The following MRE11 variants were observed in gnomAD, a reference collection of about 807,000 sequenced individuals.
MRE11 encodes double-strand break repair protein MRE11.
In MRE11, 62 loss-of-function variants were observed where a neutral mutation model predicts 91.7. That is an observed-to-expected ratio of 0.68 (90% confidence interval 0.55 to 0.84). The LOEUF (loss-of-function observed/expected upper bound fraction) is 0.84. Ranked by LOEUF, MRE11 falls within the 40% of genes least tolerant of loss-of-function variation. The probability of loss-of-function intolerance (pLI) is 0.00; values close to 1 mark genes in which losing one functional copy is unlikely to be tolerated. For missense variants in MRE11, 796 were observed against 852.9 expected, an observed-to-expected ratio of 0.93 and a Z score of 0.83; for synonymous variants, 273 against 271.4, an observed-to-expected ratio of 1.01 and a Z score of -0.06.
chr11:94,436,795 T>C (rs951042730), intron 17 of MRE11, among the ~76,000 whole-genome samples: 1 of 152,218 alleles, frequency 6.6e-6, no homozygotes, highest in African/African-American at 2.4e-5. Flanking sequence ...TAGCAACAGC[T>C]GTTAAGGCAC....
At chr11:94,476,446 C>A (rs201816804) in intron 6 of MRE11, 43 bp from the exon 7 acceptor site, 4 of 1,345,660 alleles carry the variant, frequency 3.0e-6, no homozygotes, top group Non-Finnish European at 4.2e-6. Flanking sequence ...TTTCTTACTT[C>A]GGCTTAAAAA....
rs1178226547 is a variant in MRE11 at position 94,456,431 on chromosome 11, A to G, written c.1501-93T>C. On this transcript the variant is annotated intron_variant, in intron 13 of 19. Coordinates refer to ENST00000323929, the MANE Select transcript of MRE11 (RefSeq NM_005591.4). ...CTACAATTAAGAAATGCTTTATGTT[A>G]TAAAACTTGCAAATTTAACAATGTC... 3 of 982,120 alleles carry G rather than the reference A, an allele frequency of 3.1e-6. No homozygotes were observed. In the East Asian group the frequency reaches 7.7e-5, roughly 25 times the overall value. The allele number at this position is 982,120 out of a possible 1,614,324, so 60.8% of individuals were successfully genotyped here.
chr11:94,465,946 C>T (rs985107313), intron 10 of MRE11, among the ~76,000 whole-genome samples: 1 of 152,056 alleles, frequency 6.6e-6, no homozygotes, highest in African/African-American at 2.4e-5. Flanking sequence ...TGGAAGCAGA[C>T]TGTGAGTGGT....
At chr11:94,493,394 G>T (rs1160252967) in intron 1 of MRE11, among the ~76,000 whole-genome samples, 1 of 152,102 alleles carries the variant, frequency 6.6e-6, no homozygotes, top group Non-Finnish European at 1.5e-5. Context: ...ACAAACACGT[G>T]GTCTGCGGAG....
At chr11:94,506,420 A>G in the MRE11 span, among the ~76,000 whole-genome samples, 1 of 152,156 alleles carries the variant, frequency 6.6e-6, no homozygotes, top group Non-Finnish European at 1.5e-5. Context: ...ATGCATTGGT[A>G]TATAATTGAA....
At chr11:94,504,718 CT>C in the MRE11 span, among the ~76,000 whole-genome samples, 230 of 152,286 alleles carry the variant, frequency 1.5e-3, no homozygotes, top group Middle Eastern at 0.01. Flanking sequence ...GAGATGATTT[CT>C]TGAGACCTGT....
At chr11:94,427,613 C>T (rs1051462025) in intron 19 of MRE11, among the ~76,000 whole-genome samples, 12 of 151,814 alleles carry the variant, frequency 7.9e-5, no homozygotes, top group Admixed American at 3.3e-4. Flanking sequence ...TCTTTGCTGA[C>T]GATATGATTC....
chr11:94,439,203 T>C (rs1945708114), intron 16 of MRE11, among the ~76,000 whole-genome samples: 1 of 152,164 alleles, frequency 6.6e-6, no homozygotes, highest in South Asian at 2.1e-4. Flanking sequence ...ATCTAGAAGT[T>C]ACAGTCTTAA....
At chr11:94,495,821 C>T (rs1947411380), upstream of MRE11, among the ~76,000 whole-genome samples, 1 of 152,038 alleles carries the variant, frequency 6.6e-6, no homozygotes, top group African/African-American at 2.4e-5. Context: ...CTTTGCCAGA[C>T]ACATGATGTC....
Position 94,492,863 on chromosome 11 carries a change from A to T in MRE11, c.-62T>A. The T allele has an allele frequency of 6.7e-7, 1 of 1,484,402 alleles. No individual in the cohort carries two copies. The highest frequency in any genetic ancestry group is 2.3e-5 in the East Asian group (1 of 44,286). The allele number at this position is 1,484,402 out of a possible 1,614,324, so 92.0% of individuals were successfully genotyped here. ...TTCTCCAAGAACCCCTGGGTACTGTACTCAAATGTCAGAAAATGCACTCGA... is the reference window on the plus strand; with the variant it reads ...TTCTCCAAGAACCCCTGGGTACTGTTCTCAAATGTCAGAAAATGCACTCGA... On this transcript the variant is annotated 5_prime_UTR_variant, in exon 2 of 20. Transcript: ENST00000323929.
chr11:94,471,900 GA>G, intron 7 of MRE11, 141 bp from the exon 8 acceptor site: 1 of 702,044 alleles, frequency 1.4e-6, no homozygotes, highest in Non-Finnish European at 2.3e-6. Context: ...ACAGGATTGG[GA>G]ATGTAAAGAT....
chr11:94,475,148 C>T (rs1473317499), intron 7 of MRE11: 1 of 153,860 alleles, frequency 6.5e-6, no homozygotes, highest in Non-Finnish European at 1.4e-5. Context: ...AGCTGGCCCT[C>T]TGTATTGGCA....
rs1254995050 is a variant in MRE11, at chr11:94,417,650, A to ATAAT, written c.*2471_*2474dup. ...TGTTACCCAGAAAGGAGAAAACAAT[A>ATAAT]TAATGGGCATCCAGGACACTGCGCT... is the stretch of plus-strand genomic sequence containing the variant. On this transcript the variant is annotated 3_prime_UTR_variant, in exon 20 of 20. Coordinates refer to ENST00000323929, the MANE Select transcript of MRE11 (RefSeq NM_005591.4). 3 of 233,022 alleles carry ATAAT rather than the reference A, an allele frequency of 1.3e-5. No individual in the cohort carries two copies. Among genetic ancestry groups the ATAAT allele is most frequent in the Non-Finnish European group, 1.7e-5 (2 of 117,968 alleles). 14.4% of individuals were successfully genotyped at this position (233,022 alleles called of 1,614,324 possible). A position where few individuals can be genotyped will look rare whatever the true frequency, so the allele number is the denominator to read the frequency against.
intron 4 of MRE11, among the ~76,000 whole-genome samples, chr11:94,482,262 G>A (rs528491871): frequency 1.9e-4 from 29 of 152,250 alleles, no homozygotes; most frequent in African/African-American, 5.8e-4. Context: ...TGTTATGAAG[G>A]ACAGAACTAA....
chr11:94,489,232 A>C (rs1399607863), intron 3 of MRE11, among the ~76,000 whole-genome samples: 1 of 151,720 alleles, frequency 6.6e-6, no homozygotes, highest in Non-Finnish European at 1.5e-5. Flanking sequence ...TAAGACTTGA[A>C]CTCTCAGAAG....
rs1946965303 is a variant in MRE11, at chr11:94,479,687, T to C, written c.389A>G (p.Asp130Gly). ...IPVFSIHGNH[D>G]DPTGADALCA... is the part of the protein sequence containing the mutation. ...AACAATAATTACCCCTGTGGGATCG[T>C]CATGATTGCCATGAATACTAAACAC... The change falls in exon 5 of 20, where the codon GAC becomes GGC. Residue 130 changes from aspartate to glycine, a missense_variant. Asp to Gly is a moderately conservative substitution (Grantham distance 94). Transcript: ENST00000323929. 6.2e-7 allele frequency: 1 copy of C among 1,612,758 alleles called. No individual in the cohort carries two copies. Among genetic ancestry groups the C allele is most frequent in the Non-Finnish European group, 8.5e-7 (1 of 1,179,396 alleles).
chr11:94,461,574 C>G (rs893222452), intron 11 of MRE11, among the ~76,000 whole-genome samples: 5 of 152,136 alleles, frequency 3.3e-5, no homozygotes, highest in African/African-American at 1.2e-4. Flanking sequence ...ACAGGGATGC[C>G]CTCTCTCATC....
In MRE11 at chr11:94,418,245, A is replaced by G. The variant is rs1410702686; in HGVS notation, c.*1880T>C. ...GTCACGTTTTATTTACCATATTTTCAGGGCTTGATACATAGTATTCACAAA... is the reference window on the plus strand; with the variant it reads ...GTCACGTTTTATTTACCATATTTTCGGGGCTTGATACATAGTATTCACAAA... On this transcript the variant is annotated 3_prime_UTR_variant, in exon 20 of 20. Coordinates refer to ENST00000323929, the MANE Select transcript of MRE11 (RefSeq NM_005591.4). 1.7e-5 allele frequency: 4 copies of G among 233,058 alleles called. No homozygotes were observed. Among genetic ancestry groups the G allele is most frequent in the Admixed American group, 1.1e-4 (2 of 17,780 alleles). The allele number at this position is 233,058 out of a possible 1,614,324, so 14.4% of individuals were successfully genotyped here.
chr11:94,473,857 G>C (rs1423429610), intron 7 of MRE11, among the ~76,000 whole-genome samples: 1 of 151,918 alleles, frequency 6.6e-6, no homozygotes, highest in African/African-American at 2.4e-5. Flanking sequence ...ATTAAACCAA[G>C]ATTGAAAAAA....
Sources: allele counts gnomAD v4.1 joint callset (sites outside exome capture counted in the v4.1 genomes callset), GRCh38; gene constraint gnomAD v4.1.1; transcripts MANE v1.5; gene names NCBI Gene and HGNC (gene_info 2026-07-23, HGNC 2026-07-21).